The following IGF2R variants were observed in gnomAD, a reference collection of about 807,000 sequenced individuals.
IGF2R encodes insulin like growth factor 2 receptor.
Under a neutral mutation model 270.6 loss-of-function variants are expected in IGF2R, and 91 were observed. That is an observed-to-expected ratio of 0.34 (90% CI 0.28 to 0.40). The LOEUF is 0.40. Ranked by LOEUF, IGF2R falls within the 10% of genes least tolerant of loss-of-function variation. The pLI is 1.00. For missense variants in IGF2R, 2,805 were observed against 3,188.3 expected, an observed-to-expected ratio of 0.88 and a Z score of 2.90; for synonymous variants, 1,316 against 1,258.9, an observed-to-expected ratio of 1.05 and a Z score of -0.96.
chr6:160,038,119 T>A (rs1227202447), intron 10 of IGF2R, among the ~76,000 whole-genome samples: 1 of 152,162 alleles, frequency 6.6e-6, no homozygotes, highest in Admixed American at 6.5e-5. Flanking sequence ...TTGAAAACCT[T>A]CCTTCCCCTT....
intron 45 of IGF2R, among the ~76,000 whole-genome samples, chr6:160,100,812 A>T: frequency 1.5e-5 from 1 of 64,814 alleles, no homozygotes; most frequent in Non-Finnish European, 2.9e-5. Context: ...TTTTTTGGAG[A>T]CAGAGACTTG....
chr6:160,109,734 G>T lies in IGF2R; in HGVS notation c.*4650G>T, dbSNP rs956164672. 1.3e-5 allele frequency: 2 copies of T among 152,158 alleles called. No individual in the cohort carries two copies. Among genetic ancestry groups the T allele is most frequent in the African/African-American group, 4.8e-5 (2 of 41,414 alleles). 9.4% of individuals were successfully genotyped at this position (152,158 alleles called of 1,614,324 possible). A position where few individuals can be genotyped will look rare whatever the true frequency, so the allele number is the denominator to read the frequency against. On this transcript the variant is annotated 3_prime_UTR_variant, in exon 48 of 48. Coordinates refer to ENST00000356956, the MANE Select transcript of IGF2R (RefSeq NM_000876.4). ...AGTTTCTCCTTTCTGTAACCTCCAT[G>T]ACCTTGACACATGAGGTCACTCTTC...
In IGF2R at chr6:160,050,613, T is replaced by C. The variant is rs780928920; in HGVS notation, c.2655T>C (p.Tyr885=). 1.4e-5 allele frequency: 23 copies of C among 1,613,266 alleles called. No homozygotes were observed. Among genetic ancestry groups the C allele is most frequent in the Non-Finnish European group, 2.0e-5 (23 of 1,179,394 alleles). The stretch of plus-strand genomic sequence containing the variant: ...CCAGCGATGGCAGACAGACCACATA[T>C]ACCACGAGGATCCATCTCGTCTGCT... The part of the protein sequence containing the change: ...CTTSDGRQTT[Y]TTRIHLVCSR... Residue 885 remains tyrosine, a synonymous_variant, in exon 19 of 48, where the codon TAT becomes TAC. Transcript: ENST00000356956. The surrounding 1 kb of genome is among the most constrained non-coding windows in gnomAD (Gnocchi z 4.0).
intron 39 of IGF2R, among the ~76,000 whole-genome samples, chr6:160,081,695 T>C (rs2343275): frequency 0.45 from 68,780 of 152,080 alleles, 16,292 homozygotes; most frequent in East Asian, 0.67. Flanking sequence ...CCTGCCTTCC[T>C]CCCGGGAATG....
At chr6:159,977,167 G>A (rs1277831801) in intron 1 of IGF2R, among the ~76,000 whole-genome samples, 1 of 152,192 alleles carries the variant, frequency 6.6e-6, no homozygotes, top group Non-Finnish European at 1.5e-5. Flanking sequence ...TCAACCCTCT[G>A]AAGATCTCTC....
At chr6:160,085,612 A>G (rs193027105) in intron 41 of IGF2R, among the ~76,000 whole-genome samples, 40 of 152,318 alleles carry the variant, frequency 2.6e-4, no homozygotes, top group African/African-American at 8.2e-4. Context: ...GTTTTCTTTC[A>G]TTATTTAAAG....
At chr6:160,017,032 T>C (rs1777315607) in intron 4 of IGF2R, among the ~76,000 whole-genome samples, 1 of 152,180 alleles carries the variant, frequency 6.6e-6, no homozygotes, top group Non-Finnish European at 1.5e-5. Flanking sequence ...GTGAAATGCT[T>C]GAAATACTAG....
At position 160,062,512 on chromosome 6, in the gene IGF2R, G is replaced by A. The variant is rs371386920; in HGVS notation, c.3583-20G>A. 1 of 1,573,434 alleles carries A rather than the reference G, an allele frequency of 6.4e-7. No homozygotes were observed. Reference sequence around the variant, plus strand: ...TTAAAATAAACAGGAAACAAATCAGGCTGCTGATTTATATTACAGGGCTCA... The same window carrying A: ...TTAAAATAAACAGGAAACAAATCAGACTGCTGATTTATATTACAGGGCTCA... On this transcript the variant is annotated intron_variant, in intron 25 of 47. Transcript: ENST00000356956.
At chr6:160,039,957 A>T (rs1424738489) in intron 10 of IGF2R, among the ~76,000 whole-genome samples, 1 of 152,152 alleles carries the variant, frequency 6.6e-6, no homozygotes, top group Non-Finnish European at 1.5e-5. Flanking sequence ...AGGTGCACTG[A>T]CGGAACCACA....
At chr6:160,041,390 C>T (rs931813058) in intron 11 of IGF2R, among the ~76,000 whole-genome samples, 4 of 152,036 alleles carry the variant, frequency 2.6e-5, no homozygotes, top group African/African-American at 9.7e-5. Context: ...AGTCACAGAA[C>T]TGCTGGCGGT....
At chr6:160,012,766 T>A (rs985610360) in intron 4 of IGF2R, among the ~76,000 whole-genome samples, 18,106 of 72,338 alleles carry the variant, frequency 0.25, 1,883 homozygotes, top group Middle Eastern at 0.29. Context: ...TATATATATT[T>A]TTTTTTTTTT....
At position 160,069,739 on chromosome 6, in the gene IGF2R, G is replaced by A. The variant is rs1377765230; in HGVS notation, c.4253-129G>A. ...TCTGACTTATGTGAAAGAAATAGCA[G>A]GTATTTTGAAGTGACTCTTAGAAAG... is the stretch of plus-strand genomic sequence containing the variant. On this transcript the variant is annotated intron_variant, in intron 30 of 47. Coordinates refer to ENST00000356956, the MANE Select transcript of IGF2R (RefSeq NM_000876.4). 5 of 747,610 alleles carry A rather than the reference G, an allele frequency of 6.7e-6. No individual in the cohort carries two copies. The African/African-American group carries it at 7.1e-5, about 11-fold the overall frequency. 46.3% of individuals were successfully genotyped at this position (747,610 alleles called of 1,614,324 possible).
intron 4 of IGF2R, among the ~76,000 whole-genome samples, chr6:160,015,394 C>A (rs962470287): frequency 2.6e-4 from 40 of 152,248 alleles, no homozygotes; most frequent in Non-Finnish European, 3.7e-4. Flanking sequence ...CACTTGGTGA[C>A]CAGGGCCTTT....
intron 42 of IGF2R, 27 bp from the exon 43 acceptor site, chr6:160,089,080 C>A (rs761015742): frequency 6.2e-7 from 1 of 1,606,406 alleles, no homozygotes; most frequent in African/African-American, 1.3e-5. Flanking sequence ...GGGGAAGTGA[C>A]TGTAGCCTGT....
chr6:160,040,807 T>C lies in IGF2R; in HGVS notation c.1480+83T>C, dbSNP rs2297358. ...TGAGTACTTTTGGAAATGCGGTTAC[T>C]ATTTTCTTTGTCAGTGGGTTGCGTC... On this transcript the variant is annotated intron_variant, in intron 11 of 47. Transcript: ENST00000356956. The C allele has an allele frequency of 9.0e-3, 12,756 of 1,420,306 alleles. 545 individuals are homozygous for C. The East Asian group carries it at 0.12, about 13-fold the overall frequency. The allele number at this position is 1,420,306 out of a possible 1,614,324, so 88.0% of individuals were successfully genotyped here. A position where few individuals can be genotyped will look rare whatever the true frequency, so the allele number is the denominator to read the frequency against.
intron 27 of IGF2R, 55 bp downstream of exon 27, chr6:160,063,685 A>T: frequency 3.7e-6 from 5 of 1,352,786 alleles, no homozygotes; most frequent in Non-Finnish European, 5.2e-6. Context: ...TAAAATATTA[A>T]AATATTTTGC....
At chr6:160,078,474 G>A (rs746586869) in intron 37 of IGF2R, 112 bp downstream of exon 37, 17 of 1,003,716 alleles carry the variant, frequency 1.7e-5, no homozygotes, top group Non-Finnish European at 2.4e-5. Flanking sequence ...GAGGGTGTAT[G>A]TGGCCACTGG....
chr6:159,984,668 A>C (rs1453731107), intron 1 of IGF2R, among the ~76,000 whole-genome samples: 1 of 152,184 alleles, frequency 6.6e-6, no homozygotes, highest in Non-Finnish European at 1.5e-5. Context: ...GACACCATCT[A>C]TGTGTGTGCA....
chr6:160,078,148 T>C, intron 36 of IGF2R, 53 bp from the exon 37 acceptor site: 1 of 1,584,296 alleles, frequency 6.3e-7, no homozygotes, highest in Non-Finnish European at 8.6e-7. Flanking sequence ...GTGTCACTGC[T>C]ATCTATCCCT....
Sources: gnomAD v4.1 joint callset for allele counts (sites outside exome capture counted in the v4.1 genomes callset) on GRCh38, gnomAD v4.1.1 for gene constraint, Gnocchi (gnomAD v3.1) non-coding constraint, MANE v1.5 for transcripts, NCBI Gene and HGNC (gene_info 2026-07-23, HGNC 2026-07-21) for gene names.